The following LNPEP variants were observed in gnomAD, a reference collection of about 807,000 sequenced individuals.
The protein encoded by LNPEP is leucyl-cystinyl aminopeptidase.
A neutral mutation model predicts 120.6 loss-of-function variants in LNPEP; 64 were observed. The observed-to-expected ratio is 0.53, with a 90% CI of 0.43 to 0.65. The LOEUF is 0.65. Ranked by LOEUF, LNPEP falls within the 30% of genes least tolerant of loss-of-function variation. LNPEP has a pLI of 0.00. For missense variants in LNPEP, 1,057 were observed against 1,200.0 expected, an observed-to-expected ratio of 0.88 and a Z score of 1.76; for synonymous variants, 435 against 425.4, an observed-to-expected ratio of 1.02 and a Z score of -0.28.
At chr5:96,958,810 A>C in intron 1 of LNPEP, 1 of 136,578 alleles carries the variant, frequency 7.3e-6, no homozygotes, top group South Asian at 2.5e-4. Context: ...TTTCACTCTG[A>C]TAGCCTCTTT....
intron 1 of LNPEP, among the ~76,000 whole-genome samples, chr5:96,937,946 G>A (rs1196983904): frequency 1.3e-5 from 2 of 152,188 alleles, no homozygotes; most frequent in East Asian, 1.9e-4. Context: ...ATCTTTCAGA[G>A]TTGATGCTGG....
intron 13 of LNPEP, among the ~76,000 whole-genome samples, chr5:97,018,336 T>C (rs866377999): frequency 7.9e-5 from 12 of 152,044 alleles, no homozygotes; most frequent in African/African-American, 2.4e-4. Flanking sequence ...TATAGCTTAG[T>C]GCTCAAGAAG....
rs80097973 is a variant in LNPEP, at chr5:96,973,641, T to G, written c.20-5497T>G. ...AGTATGTGGGAGGATATGCAAAGAT[T>G]AGATGCAAATATTACAGCATTCTGT... On this transcript the variant is annotated intron_variant, in intron 1 of 17. Transcript: ENST00000231368. Among the ~76,000 whole-genome samples, 1,167 of 152,232 alleles carry G rather than the reference T, an allele frequency of 7.7e-3. 9 individuals carry two copies. Among genetic ancestry groups the G allele is most frequent in the African/African-American group, 0.027 (1,108 of 41,564 alleles).
intron 3 of LNPEP, among the ~76,000 whole-genome samples, chr5:96,985,937 A>G (rs1411358594): frequency 6.6e-6 from 1 of 151,996 alleles, no homozygotes; most frequent in Non-Finnish European, 1.5e-5. Context: ...TACTCTGCAC[A>G]CTCAGCCATA....
At chr5:96,985,453 A>C (rs542761985) in intron 3 of LNPEP, among the ~76,000 whole-genome samples, 1 of 152,286 alleles carries the variant, frequency 6.6e-6, no homozygotes, top group South Asian at 2.1e-4. Flanking sequence ...TGGATAGGAA[A>C]TGTGAGTGTG....
Position 97,035,922 on chromosome 5 carries a change from C to T in LNPEP, c.*7389C>T, listed in dbSNP as rs1396474077. 2 of 152,160 alleles carry T rather than the reference C, an allele frequency of 1.3e-5. No homozygotes were observed. The highest frequency in any genetic ancestry group is 2.9e-5 in the Non-Finnish European group (2 of 68,018). The allele number at this position is 152,160 out of a possible 1,614,324, so 9.4% of individuals were successfully genotyped here. Reference sequence around the variant, plus strand: ...ATTGAATGAGGTAGTGAAAAGGGACCTGTGCTTTTGTAAATTCTAGAAAGG... The same window carrying T: ...ATTGAATGAGGTAGTGAAAAGGGACTTGTGCTTTTGTAAATTCTAGAAAGG... On this transcript the variant is annotated 3_prime_UTR_variant, in exon 18 of 18. Transcript: ENST00000231368.
intron 1 of LNPEP, among the ~76,000 whole-genome samples, chr5:96,960,153 G>T (rs1437521670): frequency 6.6e-6 from 1 of 151,842 alleles, no homozygotes; most frequent in African/African-American, 2.4e-5. Context: ...GGCCAGGCTG[G>T]TCTCGAACTC....
intron 1 of LNPEP, among the ~76,000 whole-genome samples, chr5:96,941,487 T>A (rs1319889939): frequency 6.6e-6 from 1 of 152,182 alleles, no homozygotes. Flanking sequence ...TATTATTATT[T>A]TTTTAATTTG....
intron 4 of LNPEP, among the ~76,000 whole-genome samples, chr5:96,988,651 C>T (rs1790302314): frequency 6.6e-6 from 1 of 151,938 alleles, no homozygotes; most frequent in Non-Finnish European, 1.5e-5. Flanking sequence ...CACTCTGCCA[C>T]CCAGGCTGGA....
At chr5:97,005,809 A>C (rs1247962829) in intron 9 of LNPEP, among the ~76,000 whole-genome samples, 1 of 152,114 alleles carries the variant, frequency 6.6e-6, no homozygotes, top group African/African-American at 2.4e-5. Context: ...TATATGTGCC[A>C]CTTCTCAACC....
intron 4 of LNPEP, among the ~76,000 whole-genome samples, chr5:96,989,269 A>AT (rs1189624602): frequency 7.2e-6 from 1 of 139,024 alleles, no homozygotes; most frequent in Non-Finnish European, 1.5e-5. Context: ...TATATATGAT[A>AT]TATATATTAT....
At chr5:96,996,628 A>G in intron 7 of LNPEP, 125 bp downstream of exon 7, 1 of 603,634 alleles carries the variant, frequency 1.7e-6, no homozygotes, top group Non-Finnish European at 3.0e-6. Context: ...GCCAAACTTG[A>G]CTTTGGTTAT....
At position 97,029,441 on chromosome 5, in the gene LNPEP, A is replaced by G. The variant is rs1289480016; in HGVS notation, c.*908A>G. On this transcript the variant is annotated 3_prime_UTR_variant, in exon 18 of 18. Transcript: ENST00000231368. ...GGTTTTCATTGTGACTTTTATCACT[A>G]TCACTAAGAATGCAATTTAAGTTGC... 6.6e-6 allele frequency: 1 copy of G among 152,362 alleles called. No homozygotes were observed. The highest frequency in any genetic ancestry group is 2.4e-5 in the African/African-American group (1 of 41,454). 9.4% of individuals were successfully genotyped at this position (152,362 alleles called of 1,614,324 possible). A position where few individuals can be genotyped will look rare whatever the true frequency, so the allele number is the denominator to read the frequency against.
At chr5:96,956,122 C>T (rs1368774243) in intron 1 of LNPEP, among the ~76,000 whole-genome samples, 2 of 152,044 alleles carry the variant, frequency 1.3e-5, no homozygotes, top group East Asian at 3.9e-4. Context: ...TTTGCCCATT[C>T]CTTTACATTG....
intron 1 of LNPEP, among the ~76,000 whole-genome samples, chr5:96,970,364 G>T (rs951904268): frequency 6.6e-6 from 1 of 151,970 alleles, no homozygotes; most frequent in Non-Finnish European, 1.5e-5. Context: ...TTGATATCCT[G>T]CTGAATTTCT....
At chr5:96,954,713 CAT>C (rs1474883610) in intron 1 of LNPEP, among the ~76,000 whole-genome samples, 6 of 56,990 alleles carry the variant, frequency 1.1e-4, no homozygotes, top group African/African-American at 2.5e-4. Flanking sequence ...CATATATACA[CAT>C]ATATATACAT....
chr5:96,980,714 C>T lies in LNPEP; in HGVS notation c.860+736C>T, dbSNP rs181374101. Among the ~76,000 whole-genome samples the T allele has an allele frequency of 8.5e-5, 13 of 152,232 alleles. No individual in the cohort carries two copies. In the East Asian group the frequency reaches 2.3e-3, roughly 27 times the overall value. ...AGTTGTCTTGTGCACAAAATCCTCACGACATCTGCTTTATGCAATTGGAAC... is the reference window on the plus strand; with the variant it reads ...AGTTGTCTTGTGCACAAAATCCTCATGACATCTGCTTTATGCAATTGGAAC... On this transcript the variant is annotated intron_variant, in intron 2 of 17. Coordinates refer to ENST00000231368, the MANE Select transcript of LNPEP (RefSeq NM_005575.3).
At chr5:96,993,462 C>T (rs765975861) in intron 5 of LNPEP, among the ~76,000 whole-genome samples, 4 of 152,138 alleles carry the variant, frequency 2.6e-5, no homozygotes, top group Non-Finnish European at 5.9e-5. Context: ...AACGGGAGCT[C>T]AGGAAAGCAA....
At position 96,979,173 on chromosome 5, in the gene LNPEP, A is replaced by G. The variant is rs1790066180; in HGVS notation, c.55A>G (p.Ser19Gly). ...LQLPRNMIEN[S>G]MFEEEPDVVD... ...GCTCCCCAGGAATATGATTGAAAACAGCATGTTTGAGGAAGAACCAGATGT... is the reference window on the plus strand; with the variant it reads ...GCTCCCCAGGAATATGATTGAAAACGGCATGTTTGAGGAAGAACCAGATGT... Residue 19 changes from serine (S) to glycine (G), a missense_variant, in exon 2 of 18, where the codon AGC becomes GGC. Physicochemically the swap from Ser to Gly is moderately conservative, Grantham distance 56. Coordinates refer to ENST00000231368, the MANE Select transcript of LNPEP (RefSeq NM_005575.3). The G allele has an allele frequency of 6.2e-7, 1 of 1,612,844 alleles. No individual in the cohort carries two copies. The highest frequency in any genetic ancestry group is 1.7e-5 in the Admixed American group (1 of 59,896).
Sources: gnomAD v4.1 joint callset for allele counts (sites outside exome capture counted in the v4.1 genomes callset) on GRCh38, gnomAD v4.1.1 for gene constraint, MANE v1.5 for transcripts, NCBI Gene and HGNC (gene_info 2026-07-23, HGNC 2026-07-21) for gene names.